Variants in AKAP6 observed in about 807,000 individuals in gnomAD.
AKAP6 encodes the protein A-kinase anchor protein 6.
Under a neutral mutation model 188.5 loss-of-function variants are expected in AKAP6, and 58 were observed. The ratio of observed to expected loss-of-function variants is 0.31; its 90% CI spans 0.25 to 0.38. The LOEUF is 0.38. Ranked by LOEUF, AKAP6 falls within the 10% of genes least tolerant of loss-of-function variation. The pLI is 1.00. For synonymous variants in AKAP6, 989 were observed against 998.6 expected (o/e 0.99, Z 0.18); for missense variants, 2,710 against 2,740.0 (o/e 0.99, Z 0.24).
chr14:32,771,470 G>A (rs575160973), intron 11 of AKAP6, among the ~76,000 whole-genome samples: 3 of 151,992 alleles, frequency 2.0e-5, no homozygotes, highest in African/African-American at 7.3e-5. Context: ...TAGGAGTGGG[G>A]ATCACCTAGA....
intron 1 of AKAP6, among the ~76,000 whole-genome samples, chr14:32,388,420 C>A (rs1357389243): frequency 6.6e-6 from 1 of 151,660 alleles, no homozygotes; most frequent in Non-Finnish European, 1.5e-5. Context: ...TTAGTTTGTT[C>A]TTGTTTCTCT....
chr14:32,571,238 A>G (rs1884472621), intron 4 of AKAP6, among the ~76,000 whole-genome samples: 2 of 151,916 alleles, frequency 1.3e-5, no homozygotes, highest in African/African-American at 4.8e-5. Flanking sequence ...AATATAGTGA[A>G]ATAGGCCAGG....
chr14:32,417,410 T>TA (rs1407878284), intron 1 of AKAP6, among the ~76,000 whole-genome samples: 7 of 152,340 alleles, frequency 4.6e-5, no homozygotes, highest in Admixed American at 1.3e-4. Context: ...AATCTCAGTT[T>TA]AAAAGTACAG....
At position 32,461,772 on chromosome 14, in the gene AKAP6, A is replaced by G. The variant is rs150330832; in HGVS notation, c.324+27955A>G. Among the ~76,000 whole-genome samples, 397 of 152,208 alleles carry G rather than the reference A, an allele frequency of 2.6e-3. 1 individual carries two copies. The highest frequency in any genetic ancestry group is 8.7e-3 in the African/African-American group (360 of 41,534). The stretch of plus-strand genomic sequence containing the variant: ...AGTAGGCTTCAGAAGGTGGGTAATA[A>G]TGAACTCCTCTGAGCTAAAGGAGGA... On this transcript the variant is annotated intron_variant, in intron 2 of 13. Coordinates refer to ENST00000280979, the MANE Select transcript of AKAP6 (RefSeq NM_004274.5).
chr14:32,532,211 T>A (rs1882450739), intron 2 of AKAP6, among the ~76,000 whole-genome samples: 2 of 152,186 alleles, frequency 1.3e-5, no homozygotes, highest in African/African-American at 4.8e-5. Context: ...CTCATTGTGG[T>A]TTTAATTTAC....
intron 5 of AKAP6, among the ~76,000 whole-genome samples, chr14:32,587,141 T>A (rs895891248): frequency 2.6e-5 from 4 of 152,226 alleles, no homozygotes; most frequent in Non-Finnish European, 5.9e-5. Flanking sequence ...GCATTGAATA[T>A]CTCTCCATGT....
chr14:32,756,126 T>A (rs1263142405), intron 11 of AKAP6, among the ~76,000 whole-genome samples: 1 of 152,182 alleles, frequency 6.6e-6, no homozygotes, highest in African/African-American at 2.4e-5. Context: ...GCCTTGAGCC[T>A]GGGTCTATAG....
In AKAP6 at chr14:32,510,414, G is replaced by GTGTA. The variant is rs550899005; in HGVS notation, c.325-25139_325-25138insGTAT. 6.9e-4 allele frequency among the ~76,000 whole-genome samples: 78 copies of GTGTA among 112,276 alleles called. 3 individuals are homozygous for GTGTA. The highest frequency in any genetic ancestry group is 1.9e-3 in the East Asian group (8 of 4,304). The allele number at this position is 112,276 out of a possible 152,430, so 73.7% of individuals were successfully genotyped here. A position where few individuals can be genotyped will look rare whatever the true frequency, so the allele number is the denominator to read the frequency against. On this transcript the variant is annotated intron_variant, in intron 2 of 13. Transcript: ENST00000280979. The stretch of plus-strand genomic sequence containing the variant: ...TATGTGTATATATATGTATATATAT[G>GTGTA]TATATATATACATATATATATGTGT...
intron 2 of AKAP6, among the ~76,000 whole-genome samples, chr14:32,492,355 T>TATATAGAGAGAGAGAGAG: frequency 7.0e-4 from 58 of 82,612 alleles, no homozygotes; most frequent in Middle Eastern, 7.5e-3. Flanking sequence ...TATATATATA[T>TATATAGAGAGAGAGAGAG]AGAGAGAGAG....
chr14:32,531,237 GA>G (rs1042883679), intron 2 of AKAP6, among the ~76,000 whole-genome samples: 14 of 152,288 alleles, frequency 9.2e-5, no homozygotes, highest in Admixed American at 5.2e-4. Flanking sequence ...CAACTTTTAA[GA>G]TATTGTTAAC....
intron 1 of AKAP6, among the ~76,000 whole-genome samples, chr14:32,427,172 A>ACTTGTAGG: frequency 6.6e-6 from 1 of 152,254 alleles, no homozygotes; most frequent in Middle Eastern, 3.4e-3. Context: ...CCTTCTCCTC[A>ACTTGTAGG]CTGACATCCA....
At chr14:32,409,419 C>T (rs1270759410) in intron 1 of AKAP6, among the ~76,000 whole-genome samples, 1 of 151,974 alleles carries the variant, frequency 6.6e-6, no homozygotes, top group East Asian at 1.9e-4. Context: ...GTTTTTTTCC[C>T]CTTTAAAGGC....
At chr14:32,671,607 G>T (rs1382727849) in intron 7 of AKAP6, among the ~76,000 whole-genome samples, 1 of 151,942 alleles carries the variant, frequency 6.6e-6, no homozygotes, top group Non-Finnish European at 1.5e-5. Context: ...ATTTTGGGGG[G>T]TGATCATCTT....
intron 9 of AKAP6, chr14:32,718,404 A>G (rs1318539267): frequency 1.2e-6 from 1 of 853,754 alleles, no homozygotes; most frequent in East Asian, 1.2e-4. Flanking sequence ...AAAAGAAACA[A>G]AAAGGCCCAA....
chr14:32,643,156 G>A (rs927970412), intron 7 of AKAP6, among the ~76,000 whole-genome samples: 2 of 152,142 alleles, frequency 1.3e-5, no homozygotes, highest in South Asian at 2.1e-4. Flanking sequence ...CCTAATGGAT[G>A]ACTGAAATCT....
chr14:32,785,813 G>C (rs1566709758), intron 12 of AKAP6, among the ~76,000 whole-genome samples: 2 of 151,810 alleles, frequency 1.3e-5, no homozygotes, highest in Non-Finnish European at 2.9e-5. Flanking sequence ...TACTTATTTG[G>C]ACATAGTCAA....
chr14:32,446,002 T>G (rs546612070), intron 2 of AKAP6, among the ~76,000 whole-genome samples: 57 of 152,330 alleles, frequency 3.7e-4, no homozygotes, highest in African/African-American at 1.2e-3. Context: ...TAGGAATGAT[T>G]TGAGGGAGAA....
At chr14:32,570,365 A>G (rs1016731682) in intron 4 of AKAP6, among the ~76,000 whole-genome samples, 3 of 151,078 alleles carry the variant, frequency 2.0e-5, no homozygotes, top group Admixed American at 1.3e-4. Flanking sequence ...GATGGTCTCT[A>G]TCTCCTGACC....
chr14:32,612,911 G>A (rs1453449660), intron 7 of AKAP6, among the ~76,000 whole-genome samples: 1 of 152,170 alleles, frequency 6.6e-6, no homozygotes, highest in Admixed American at 6.5e-5. Flanking sequence ...AGAAGGTAAA[G>A]GTCTCTAAAT....
Sources: gnomAD v4.1 joint callset for allele counts (sites outside exome capture counted in the v4.1 genomes callset) on GRCh38, gnomAD v4.1.1 for gene constraint, MANE v1.5 for transcripts, NCBI Gene and HGNC (gene_info 2026-07-23, HGNC 2026-07-21) for gene names.